Variants in CCDC181 observed in about 807,000 individuals in gnomAD.
The protein encoded by CCDC181 is coiled-coil domain-containing protein 181.
Under a neutral mutation model 58.7 loss-of-function variants are expected in CCDC181, and 35 were observed. The observed-to-expected ratio is 0.60, with a 90% CI of 0.46 to 0.79. CCDC181 has a LOEUF of 0.79. Ranked by LOEUF, CCDC181 falls within the 30% of genes least tolerant of loss-of-function variation. The probability of loss-of-function intolerance (pLI) is 0.00; values close to 1 mark genes in which losing one functional copy is unlikely to be tolerated. For synonymous variants in CCDC181, 183 were observed against 197.5 expected (o/e 0.93, Z 0.62); for missense variants, 517 against 583.9 (o/e 0.89, Z 1.18).
Position 169,453,150 on chromosome 1 carries a change from T to G in CCDC181, c.-24+6647A>C, listed in dbSNP as rs540931125. Reference sequence around the variant, plus strand: ...AAATATGCACTCTTTTACAGTAGATTCCTACTATATCCAAGAACAAAACCT... The same window carrying G: ...AAATATGCACTCTTTTACAGTAGATGCCTACTATATCCAAGAACAAAACCT... On this transcript the variant is annotated intron_variant, in intron 2 of 6. Transcript: ENST00000545005. Among the ~76,000 whole-genome samples the G allele has an allele frequency of 2.0e-3, 300 of 152,082 alleles. 4 individuals carry two copies. Among genetic ancestry groups the G allele is most frequent in the African/African-American group, 7.0e-3 (291 of 41,524 alleles).
At chr1:169,435,220 A>G (rs1005875777) in intron 2 of CCDC181, among the ~76,000 whole-genome samples, 1 of 152,134 alleles carries the variant, frequency 6.6e-6, no homozygotes, top group African/African-American at 2.4e-5. Flanking sequence ...AAGAAGCCAG[A>G]CACAAAAGAT....
intron 4 of CCDC181, among the ~76,000 whole-genome samples, chr1:169,402,921 G>C (rs1002717962): frequency 2.0e-5 from 3 of 150,346 alleles, no homozygotes; most frequent in Non-Finnish European, 4.4e-5. Flanking sequence ...CATGTGCAGA[G>C]ACACACATAG....
upstream of CCDC181, among the ~76,000 whole-genome samples, chr1:169,430,742 G>C (rs1656897345): frequency 6.6e-6 from 1 of 152,088 alleles, no homozygotes; most frequent in South Asian, 2.1e-4. Context: ...GAAAATGAAA[G>C]TACACTCCAC....
chr1:169,399,133 C>T (rs901718017), intron 4 of CCDC181, among the ~76,000 whole-genome samples: 70 of 152,114 alleles, frequency 4.6e-4, no homozygotes, highest in African/African-American at 1.6e-3. Flanking sequence ...GATGAGAAGC[C>T]ATTGGGGGTT....
chr1:169,428,973 A>G (rs1656825273), upstream of CCDC181, among the ~76,000 whole-genome samples: 1 of 152,116 alleles, frequency 6.6e-6, no homozygotes, highest in Non-Finnish European at 1.5e-5. Flanking sequence ...CCAAGTCCCC[A>G]AAGTCCACTG....
rs1285378994 is a variant in CCDC181, at chr1:169,422,116, C to G, written c.315G>C (p.Gln105His). 6.2e-7 allele frequency: 1 copy of G among 1,613,244 alleles called. No individual in the cohort carries two copies. Among genetic ancestry groups the G allele is most frequent in the African/African-American group, 1.3e-5 (1 of 74,848 alleles). The change falls in exon 3 of 6, where the codon CAG becomes CAC. Residue 105 changes from glutamine (Q) to histidine (H), a missense_variant. By Grantham distance (24) the Gln-to-His change is conservative. Transcript: ENST00000367806. ...CTTTCTGGCTTTCTAGTTTGGATTC[C>G]TGGAAAGAGTTTTCACTATCTGAAT... is the stretch of plus-strand genomic sequence containing the variant. ...ISDSDSENSF[Q>H]ESKLESQKDL...
rs532922344 is a variant in CCDC181 at position 169,423,970 on chromosome 1, C to T, written c.117+841G>A. On this transcript the variant is annotated intron_variant, in intron 2 of 5. Coordinates refer to ENST00000367806, the MANE Select transcript of CCDC181 (RefSeq NM_001300969.2). ...ATCTGTAATATAAAACCTGCATTTC[C>T]TCATAGTCTTTTCCTTAACACCTTT... Among the ~76,000 whole-genome samples the T allele has an allele frequency of 1.4e-3, 215 of 151,930 alleles. 1 individual carries two copies. Among genetic ancestry groups the T allele is most frequent in the African/African-American group, 4.6e-3 (192 of 41,514 alleles).
intron 2 of CCDC181, among the ~76,000 whole-genome samples, chr1:169,451,916 TAA>T (rs1657553573): frequency 6.6e-6 from 1 of 152,056 alleles, no homozygotes; most frequent in South Asian, 2.1e-4. Flanking sequence ...CAGAACTCGA[TAA>T]GTTGTTTTTT....
At chr1:169,441,774 A>G (rs1272985200) in intron 2 of CCDC181, among the ~76,000 whole-genome samples, 1 of 151,856 alleles carries the variant, frequency 6.6e-6, no homozygotes, top group Non-Finnish European at 1.5e-5. Context: ...TAGGCATTGA[A>G]AAATGTATTT....
At chr1:169,398,066 C>A (rs1344432872) in intron 4 of CCDC181, among the ~76,000 whole-genome samples, 1 of 152,096 alleles carries the variant, frequency 6.6e-6, no homozygotes, top group Non-Finnish European at 1.5e-5. Flanking sequence ...CTTTGATGCA[C>A]AACTGAACTT....
intron 2 of CCDC181, among the ~76,000 whole-genome samples, chr1:169,435,226 A>G (rs1657026410): frequency 6.6e-6 from 1 of 152,126 alleles, no homozygotes; most frequent in African/African-American, 2.4e-5. Flanking sequence ...CCAGACACAA[A>G]AGATCACATA....
chr1:169,446,187 T>C (rs2101752402), intron 2 of CCDC181, among the ~76,000 whole-genome samples: 1 of 152,328 alleles, frequency 6.6e-6, no homozygotes, highest in East Asian at 1.9e-4. Context: ...GGCTCACACC[T>C]ATAATCCCAG....
chr1:169,411,441 C>T (rs1416371401), intron 4 of CCDC181, among the ~76,000 whole-genome samples: 1 of 152,152 alleles, frequency 6.6e-6, no homozygotes, highest in Non-Finnish European at 1.5e-5. Context: ...AGATTCACAG[C>T]TGAATTCTAT....
intron 4 of CCDC181, chr1:169,418,776 T>C (rs1381705924): frequency 2.0e-6 from 1 of 499,088 alleles, no homozygotes; most frequent in Non-Finnish European, 3.5e-6. Flanking sequence ...AACGAATTGA[T>C]AGTTTTCTGT....
At chr1:169,446,662 A>G (rs1220128673) in intron 2 of CCDC181, among the ~76,000 whole-genome samples, 1 of 152,226 alleles carries the variant, frequency 6.6e-6, no homozygotes, top group Non-Finnish European at 1.5e-5. Flanking sequence ...AATGCTCTAT[A>G]ACAACTATTT....
At chr1:169,402,376 G>A (rs1031120796) in intron 4 of CCDC181, among the ~76,000 whole-genome samples, 5 of 152,164 alleles carry the variant, frequency 3.3e-5, no homozygotes, top group Non-Finnish European at 5.9e-5. Flanking sequence ...AAGTTGAAAT[G>A]AAGGAAAAAA....
chr1:169,425,038 T>C (rs1485574551), intron 1 of CCDC181, 88 bp from the exon 2 acceptor site: 10 of 545,378 alleles, frequency 1.8e-5, no homozygotes, highest in Non-Finnish European at 3.3e-5. Context: ...GTAAGCTAAT[T>C]AACACAGAGA....
intron 1 of CCDC181, chr1:169,459,931 G>GAAA (rs1657799702): frequency 1.2e-5 from 1 of 86,168 alleles, no homozygotes; most frequent in African/African-American, 4.1e-5. Context: ...AAAAAAAAAG[G>GAAA]AGGAGGCGGA....
At chr1:169,438,639 G>T (rs1022830607) in intron 2 of CCDC181, among the ~76,000 whole-genome samples, 1 of 152,140 alleles carries the variant, frequency 6.6e-6, no homozygotes, top group Non-Finnish European at 1.5e-5. Flanking sequence ...ACTTTCTCCT[G>T]TTGGTCCCTG....
Sources: allele counts gnomAD v4.1 joint callset (sites outside exome capture counted in the v4.1 genomes callset), GRCh38; gene constraint gnomAD v4.1.1; transcripts MANE v1.5; gene names NCBI Gene and HGNC (gene_info 2026-07-23, HGNC 2026-07-21).